Variants in PIEZO2 observed in about 807,000 individuals in gnomAD.
The protein encoded by PIEZO2 is piezo type mechanosensitive ion channel component 2, also known as piezo-type mechanosensitive ion channel component 2.
PIEZO2 carries 172 observed loss-of-function variants against 337.3 expected under a neutral mutation model. The ratio of observed to expected loss-of-function variants is 0.51; its 90% CI spans 0.45 to 0.58. The LOEUF is 0.58. PIEZO2 is among the 20% of genes least tolerant of loss of function. The probability of loss-of-function intolerance (pLI) is 0.00; values close to 1 mark genes in which losing one functional copy is unlikely to be tolerated. For synonymous variants in PIEZO2, 1,251 were observed against 1,228.5 expected, an observed-to-expected ratio of 1.02 and a Z score of -0.38; for missense variants, 3,028 against 3,391.3, an observed-to-expected ratio of 0.89 and a Z score of 2.66.
At chr18:10,806,424 A>C (rs2040005196) in intron 8 of PIEZO2, among the ~76,000 whole-genome samples, 1 of 152,194 alleles carries the variant, frequency 6.6e-6, no homozygotes, top group African/African-American at 2.4e-5. Flanking sequence ...GAAGCCACCC[A>C]GGCTTCAGTC....
chr18:10,930,214 G>A (rs264261), intron 3 of PIEZO2, among the ~76,000 whole-genome samples: 1 of 151,960 alleles, frequency 6.6e-6, no homozygotes, highest in Non-Finnish European at 1.5e-5. Flanking sequence ...TTACTAGGTC[G>A]CTTTGGAGAG....
At chr18:11,114,670 A>C (rs1008517803) in intron 1 of PIEZO2, among the ~76,000 whole-genome samples, 8 of 81,426 alleles carry the variant, frequency 9.8e-5, no homozygotes, top group Non-Finnish European at 3.0e-4. Flanking sequence ...GTCTTAAACA[A>C]AAAAAAAAAG....
rs1212025714 is a variant in PIEZO2 at position 10,766,331 on chromosome 18, AAGGAGGAGG to A, written c.2947-3242_2947-3234del. On this transcript the variant is annotated intron_variant, in intron 21 of 55. Transcript: ENST00000674853. This position sits in a 1 kb window ranked among gnomAD's most constrained non-coding sequence, Gnocchi z 6.1. The stretch of plus-strand genomic sequence containing the variant: ...GAAGGGGAAGGAGAAGTAGGAGGAG[AAGGAGGAGG>A]AGGAGGACAATGACTATGACAAATA... 6.6e-6 allele frequency among the ~76,000 whole-genome samples: 1 copy of A among 151,362 alleles called. No homozygotes were observed. Among genetic ancestry groups the A allele is most frequent in the East Asian group, 1.9e-4 (1 of 5,154 alleles).
In PIEZO2 at chr18:11,148,683, C is replaced by T. The variant is rs2040873093; in HGVS notation, c.-95G>A. 1 of 1,340,076 alleles carries T rather than the reference C, an allele frequency of 7.5e-7. No homozygotes were observed. Among genetic ancestry groups the T allele is most frequent in the Non-Finnish European group, 1.0e-6 (1 of 977,678 alleles). 83.0% of individuals were successfully genotyped at this position (1,340,076 alleles called of 1,614,324 possible). A position where few individuals can be genotyped will look rare whatever the true frequency, so the allele number is the denominator to read the frequency against. On this transcript the variant is annotated 5_prime_UTR_variant, in exon 1 of 56. Transcript: ENST00000674853. This position sits in a 1 kb window ranked among gnomAD's most constrained non-coding sequence, Gnocchi z 5.2. ...CCCATGCCCGTCTATGGCCTCTCGC[C>T]GCCGGCAGCTCGCAGCCACCCGAGC...
At chr18:10,689,904 A>G in intron 48 of PIEZO2, 102 bp from the exon 49 acceptor site, 1 of 1,368,930 alleles carries the variant, frequency 7.3e-7, no homozygotes, top group Non-Finnish European at 9.8e-7. Context: ...TAACCTCATG[A>G]CTCAGAAACA....
chr18:10,985,785 C>A (rs73396576), intron 2 of PIEZO2, among the ~76,000 whole-genome samples: 110 of 151,902 alleles, frequency 7.2e-4, no homozygotes, highest in African/African-American at 2.5e-3. Flanking sequence ...ATCATCAAAT[C>A]ACAAAATAAG....
intron 21 of PIEZO2, 125 bp downstream of exon 21, chr18:10,770,023 T>C (rs868207097): frequency 9.8e-7 from 1 of 1,023,962 alleles, no homozygotes; most frequent in Middle Eastern, 2.3e-4. Context: ...AAGTACTTAG[T>C]CTTGGAGTCT....
chr18:10,683,837 C>T (rs1393956923), intron 49 of PIEZO2, among the ~76,000 whole-genome samples: 1 of 152,186 alleles, frequency 6.6e-6, no homozygotes, highest in African/African-American at 2.4e-5. Context: ...TAGTCTGTTC[C>T]ACCTGAAGTG....
chr18:10,790,638 G>C (rs12953664), intron 14 of PIEZO2, among the ~76,000 whole-genome samples: 2 of 151,644 alleles, frequency 1.3e-5, no homozygotes, highest in African/African-American at 4.8e-5. Flanking sequence ...CTGGGAGGAA[G>C]CATTTAATTT....
At chr18:10,893,026 T>C (rs756502588) in intron 4 of PIEZO2, among the ~76,000 whole-genome samples, 2 of 152,178 alleles carry the variant, frequency 1.3e-5, no homozygotes, top group Non-Finnish European at 2.9e-5. Flanking sequence ...ATTTCCCTAA[T>C]AGAAAATTTA....
At chr18:11,042,511 T>C (rs1011500023) in intron 2 of PIEZO2, among the ~76,000 whole-genome samples, 3 of 152,246 alleles carry the variant, frequency 2.0e-5, no homozygotes, top group Non-Finnish European at 4.4e-5. Flanking sequence ...TGTCGGTTTC[T>C]TGTCTGCAAA....
chr18:10,755,467 G>C (rs2037800754), intron 27 of PIEZO2, among the ~76,000 whole-genome samples: 1 of 152,322 alleles, frequency 6.6e-6, no homozygotes, highest in Admixed American at 6.5e-5. Flanking sequence ...GGGCAGCTGA[G>C]TGGAATGTTA....
At chr18:11,140,477 C>A (rs1044065309) in intron 1 of PIEZO2, among the ~76,000 whole-genome samples, 1 of 152,230 alleles carries the variant, frequency 6.6e-6, no homozygotes, top group Non-Finnish European at 1.5e-5. Flanking sequence ...CCCATTCCCA[C>A]ACACTTTCCT....
In PIEZO2 at chr18:10,853,723, A is replaced by G. The variant is rs1284416907; in HGVS notation, c.917+1630T>C. Reference sequence around the variant, plus strand: ...CTCTGTTAACTATTCCTATGTATGTATGTATCTATCAATCTATTATGTTGG... The same window carrying G: ...CTCTGTTAACTATTCCTATGTATGTGTGTATCTATCAATCTATTATGTTGG... On this transcript the variant is annotated intron_variant, in intron 7 of 55. Transcript: ENST00000674853. The surrounding 1 kb of genome is among the most constrained non-coding windows in gnomAD (Gnocchi z 4.2). 6.6e-6 allele frequency among the ~76,000 whole-genome samples: 1 copy of G among 152,184 alleles called. No homozygotes were observed. Among genetic ancestry groups the G allele is most frequent in the African/African-American group, 2.4e-5 (1 of 41,452 alleles).
intron 43 of PIEZO2, among the ~76,000 whole-genome samples, chr18:10,700,102 G>A (rs1367950959): frequency 6.6e-6 from 1 of 152,010 alleles, no homozygotes; most frequent in Non-Finnish European, 1.5e-5. Flanking sequence ...TTTCGTAATG[G>A]GATTTTTCAG....
intron 1 of PIEZO2, among the ~76,000 whole-genome samples, chr18:11,120,672 T>G (rs1198715547): frequency 6.6e-6 from 1 of 152,208 alleles, no homozygotes; most frequent in East Asian, 1.9e-4. Flanking sequence ...GTACCATCAA[T>G]TTATGAAAAT....
rs2041619146 is a variant in PIEZO2, at chr18:10,853,654, A to AC, written c.917+1698dup. Among the ~76,000 whole-genome samples, 1 of 152,092 alleles carries AC rather than the reference A, an allele frequency of 6.6e-6. No homozygotes were observed. The highest frequency in any genetic ancestry group is 1.5e-5 in the Non-Finnish European group (1 of 68,006). On this transcript the variant is annotated intron_variant, in intron 7 of 55. Coordinates refer to ENST00000674853, the MANE Select transcript of PIEZO2 (RefSeq NM_001378183.1). This position sits in a 1 kb window ranked among gnomAD's most constrained non-coding sequence, Gnocchi z 4.2. ...AAAAGTTCAAATAGGACAGTGGATA[A>AC]CCCTATACTGATCACCTAGTTTAAA...
intron 1 of PIEZO2, among the ~76,000 whole-genome samples, chr18:11,093,204 C>T (rs2039150368): frequency 6.6e-6 from 1 of 152,140 alleles, no homozygotes; most frequent in African/African-American, 2.4e-5. Context: ...AAACCCTGTG[C>T]ATCCTGGGTA....
rs973394918 is a variant in PIEZO2 at position 11,002,891 on chromosome 18, T to G, written c.161-23231A>C. On this transcript the variant is annotated intron_variant, in intron 2 of 55. Transcript: ENST00000674853. The surrounding 1 kb of genome is among the most constrained non-coding windows in gnomAD (Gnocchi z 4.3). ...GCAGGTTCAGCAGAGAACAGACCAA[T>G]AGAAACATCCAATGGGGATGTAAAG... Among the ~76,000 whole-genome samples, 2 of 152,180 alleles carry G rather than the reference T, an allele frequency of 1.3e-5. No individual in the cohort carries two copies.
Sources: allele counts gnomAD v4.1 joint callset (sites outside exome capture counted in the v4.1 genomes callset), GRCh38; gene constraint gnomAD v4.1.1; non-coding constraint Gnocchi (gnomAD v3.1); transcripts MANE v1.5; gene names NCBI Gene and HGNC (gene_info 2026-07-23, HGNC 2026-07-21).